The following ITFG1 variants were observed in gnomAD, a reference collection of about 807,000 sequenced individuals.
ITFG1 encodes the protein T-cell immunomodulatory protein.
In ITFG1, 34 loss-of-function variants were observed where a neutral mutation model predicts 81.8. That is an observed-to-expected ratio of 0.42 (90% confidence interval 0.32 to 0.55). The LOEUF is 0.55. Among genes scored for constraint, ITFG1 ranks in the 20% least tolerant of loss-of-function variants. The probability of loss-of-function intolerance (pLI) is 0.17; values close to 1 mark genes in which losing one functional copy is unlikely to be tolerated. For missense variants in ITFG1, 672 were observed against 755.4 expected (o/e 0.89, Z 1.29); for synonymous variants, 285 against 270.6 (o/e 1.05, Z -0.52).
rs138495069 is a variant in ITFG1 at position 47,213,614 on chromosome 16, G to A, written c.1453+5254C>T. On this transcript the variant is annotated intron_variant, in intron 14 of 17. Coordinates refer to ENST00000320640, the MANE Select transcript of ITFG1 (RefSeq NM_030790.5). ...AATTAGAATTGCTATGTCACGGGAG[G>A]GGAGGGGGCTGAAGGTTGAGCTGAT... 1.3e-4 allele frequency among the ~76,000 whole-genome samples: 20 copies of A among 152,266 alleles called. No homozygotes were observed. In the East Asian group the frequency reaches 3.3e-3, roughly 25 times the overall value.
chr16:47,406,058 C>T (rs566004919), intron 6 of ITFG1, among the ~76,000 whole-genome samples: 2 of 152,168 alleles, frequency 1.3e-5, no homozygotes, highest in South Asian at 4.1e-4. Context: ...GGTGCCCCTT[C>T]CTTATCAGAG....
intron 10 of ITFG1, chr16:47,263,449 C>T (rs896997803): frequency 1.0e-5 from 4 of 398,676 alleles, no homozygotes; most frequent in African/African-American, 8.5e-5. Context: ...GGATCCAAGT[C>T]TCCAGTGACA....
At chr16:47,359,610 G>A (rs1423494077) in intron 8 of ITFG1, among the ~76,000 whole-genome samples, 1 of 152,110 alleles carries the variant, frequency 6.6e-6, no homozygotes, top group African/African-American at 2.4e-5. Context: ...GTTACATTTA[G>A]AATAAAATCC....
intron 6 of ITFG1, among the ~76,000 whole-genome samples, chr16:47,385,203 A>G (rs991165464): frequency 1.3e-5 from 2 of 152,236 alleles, no homozygotes; most frequent in Non-Finnish European, 2.9e-5. Context: ...ATAAGTTAAA[A>G]TCAAATAATC....
chr16:47,287,240 T>A (rs1966873064), intron 10 of ITFG1, among the ~76,000 whole-genome samples: 2 of 152,158 alleles, frequency 1.3e-5, no homozygotes, highest in Non-Finnish European at 2.9e-5. Flanking sequence ...ATATATATAT[T>A]TACATATAAT....
intron 6 of ITFG1, among the ~76,000 whole-genome samples, chr16:47,399,698 T>C (rs774900623): frequency 6.6e-6 from 1 of 152,228 alleles, no homozygotes; most frequent in African/African-American, 2.4e-5. Context: ...TGTAGTCTCA[T>C]GGTCCCCTAC....
chr16:47,438,903 T>C lies in ITFG1; in HGVS notation c.561-10005A>G, dbSNP rs1231516229. ...AACTACTCCGAGCTAAATGAGGAAG[T>C]TTGAACCAATGGCAAAGAAGCTCAA... On this transcript the variant is annotated intron_variant, in intron 5 of 17. Transcript: ENST00000320640. 2.6e-5 allele frequency among the ~76,000 whole-genome samples: 4 copies of C among 151,944 alleles called. No homozygotes were observed. In the East Asian group the frequency reaches 7.8e-4, roughly 29 times the overall value.
chr16:47,209,236 C>G (rs1468736611), intron 14 of ITFG1, among the ~76,000 whole-genome samples: 1 of 152,042 alleles, frequency 6.6e-6, no homozygotes, highest in African/African-American at 2.4e-5. Context: ...CTATTTTAAT[C>G]CATCATTGTA....
intron 10 of ITFG1, among the ~76,000 whole-genome samples, chr16:47,307,183 A>G (rs568485961): frequency 1.4e-4 from 21 of 151,524 alleles, no homozygotes; most frequent in Admixed American, 3.9e-4. Flanking sequence ...ATAATACTAA[A>G]AACATGAAGG....
At chr16:47,409,406 T>TATATATA (rs59928420) in intron 6 of ITFG1, among the ~76,000 whole-genome samples, 2 of 11,714 alleles carry the variant, frequency 1.7e-4, no homozygotes, top group Admixed American at 7.4e-4. Context: ...ATATATATAT[T>TATATATA]TTTTTTTTTT....
rs1240843839 is a variant in ITFG1, at chr16:47,420,488, A to T, written c.655+8316T>A. Among the ~76,000 whole-genome samples, 3 of 152,344 alleles carry T rather than the reference A, an allele frequency of 2.0e-5. No individual in the cohort carries two copies. The East Asian group carries it at 5.8e-4, about 29-fold the overall frequency. ...TGGAGTCTACTATAGTTTAGAAAGC[A>T]CGTTGACATCTGATTCACAATGATG... On this transcript the variant is annotated intron_variant, in intron 6 of 17. Transcript: ENST00000320640.
At chr16:47,211,506 G>C (rs894063345) in intron 14 of ITFG1, among the ~76,000 whole-genome samples, 4 of 152,068 alleles carry the variant, frequency 2.6e-5, no homozygotes, top group Non-Finnish European at 4.4e-5. Flanking sequence ...CTTTCAACTT[G>C]GTTGCCTTTT....
intron 14 of ITFG1, among the ~76,000 whole-genome samples, chr16:47,216,933 C>T (rs1341066001): frequency 6.6e-6 from 1 of 152,172 alleles, no homozygotes; most frequent in East Asian, 1.9e-4. Context: ...GGTGGGATTA[C>T]AGGCATGAGC....
intron 8 of ITFG1, among the ~76,000 whole-genome samples, chr16:47,335,773 C>T (rs2151575518): frequency 6.6e-6 from 1 of 152,238 alleles, no homozygotes; most frequent in East Asian, 1.9e-4. Context: ...CTCATACATT[C>T]CTGGTAGTAA....
At chr16:47,309,526 ACT>A (rs1428769262) in intron 10 of ITFG1, among the ~76,000 whole-genome samples, 1 of 152,150 alleles carries the variant, frequency 6.6e-6, no homozygotes, top group African/African-American at 2.4e-5. Flanking sequence ...TGTAACAGCA[ACT>A]CTAAATAATA....
intron 10 of ITFG1, among the ~76,000 whole-genome samples, chr16:47,269,396 C>T (rs1966311941): frequency 6.7e-6 from 1 of 150,110 alleles, no homozygotes; most frequent in South Asian, 2.1e-4. Context: ...ACATGTAATC[C>T]TAGCACTTTG....
At chr16:47,277,667 T>C (rs1385451770) in intron 10 of ITFG1, among the ~76,000 whole-genome samples, 1 of 152,230 alleles carries the variant, frequency 6.6e-6, no homozygotes, top group African/African-American at 2.4e-5. Context: ...GTAAGAACTA[T>C]TCACGTTTGG....
At chr16:47,191,406 T>A (rs1002046993) in intron 14 of ITFG1, among the ~76,000 whole-genome samples, 16 of 152,034 alleles carry the variant, frequency 1.1e-4, no homozygotes, top group South Asian at 4.1e-4. Context: ...TTTTTTTTTT[T>A]AATTTTTAGT....
chr16:47,216,672 A>AT (rs927525608), intron 14 of ITFG1, among the ~76,000 whole-genome samples: 7 of 150,648 alleles, frequency 4.6e-5, no homozygotes, highest in South Asian at 4.2e-4. Flanking sequence ...TTATTTATTT[A>AT]TTTTTTTTTG....
Sources: allele counts gnomAD v4.1 joint callset (sites outside exome capture counted in the v4.1 genomes callset), GRCh38; gene constraint gnomAD v4.1.1; transcripts MANE v1.5; gene names NCBI Gene and HGNC (gene_info 2026-07-23, HGNC 2026-07-21).